The following PRKAG2 variants were observed in gnomAD, a reference collection of about 807,000 sequenced individuals.
The protein encoded by PRKAG2 is protein kinase AMP-activated non-catalytic subunit gamma 2.
In PRKAG2, 26 loss-of-function variants were observed where a neutral mutation model predicts 69.6. The observed-to-expected ratio is 0.37, with a 90% CI of 0.27 to 0.52. The LOEUF (loss-of-function observed/expected upper bound fraction) is 0.52. PRKAG2 is among the 20% of genes least tolerant of loss of function. The pLI, the probability that PRKAG2 is intolerant of heterozygous loss-of-function variation, is 0.90. For missense variants in PRKAG2, 557 were observed against 740.0 expected (o/e 0.75, Z 2.87); for synonymous variants, 293 against 285.0 (o/e 1.03, Z -0.28).
At chr7:151,838,516 T>A (rs534548791) in intron 1 of PRKAG2, among the ~76,000 whole-genome samples, 40 of 151,722 alleles carry the variant, frequency 2.6e-4, no homozygotes, top group African/African-American at 9.2e-4. Flanking sequence ...GAGATCACCC[T>A]GGGCAACATG....
chr7:151,813,679 A>G (rs2078541485), intron 1 of PRKAG2, among the ~76,000 whole-genome samples: 1 of 152,116 alleles, frequency 6.6e-6, no homozygotes, highest in East Asian at 1.9e-4. Context: ...TCTCCACCAG[A>G]CAGCGGTGAC....
intron 5 of PRKAG2, among the ~76,000 whole-genome samples, chr7:151,617,488 C>A (rs1820462356): frequency 6.6e-6 from 1 of 151,980 alleles, no homozygotes; most frequent in African/African-American, 2.4e-5. Flanking sequence ...ATTCTCTCTA[C>A]CATTTCATAT....
chr7:151,833,017 T>C (rs2079072993), intron 1 of PRKAG2, among the ~76,000 whole-genome samples: 2 of 152,166 alleles, frequency 1.3e-5, no homozygotes, highest in African/African-American at 2.4e-5. Flanking sequence ...CTCACTCGTT[T>C]ATGGTGCACC....
At chr7:151,563,430 G>A (rs924982101) in intron 14 of PRKAG2, among the ~76,000 whole-genome samples, 3 of 152,164 alleles carry the variant, frequency 2.0e-5, no homozygotes, top group Non-Finnish European at 2.9e-5. Context: ...AGATACTGGT[G>A]GGAAGAGAGA....
chr7:151,792,956 G>A (rs548688958), intron 1 of PRKAG2, among the ~76,000 whole-genome samples: 2 of 152,334 alleles, frequency 1.3e-5, no homozygotes, highest in South Asian at 2.1e-4. Context: ...GGGCTGAGCC[G>A]GAGCCCCAGC....
In PRKAG2 at chr7:151,877,053, C is replaced by T. The variant is rs2080420529; in HGVS notation, c.-433G>A. 7.8e-6 allele frequency: 2 copies of T among 255,130 alleles called. No individual in the cohort carries two copies. The highest frequency in any genetic ancestry group is 1.6e-5 in the Non-Finnish European group (2 of 128,218). 15.8% of individuals were successfully genotyped at this position (255,130 alleles called of 1,614,324 possible). ...AAAACAAGCCTCCTATGCCTGTGCC[C>T]AAGTGGGGAATCTGGAACCAGTAAG... On this transcript the variant is annotated 5_prime_UTR_variant, in exon 1 of 16. Transcript: ENST00000287878.
intron 1 of PRKAG2, among the ~76,000 whole-genome samples, chr7:151,863,823 A>T (rs1396533217): frequency 7.2e-5 from 11 of 151,738 alleles, no homozygotes; most frequent in African/African-American, 2.7e-4. Context: ...AGGTAAGAGG[A>T]TCGCTTGAGC....
chr7:151,779,983 C>A (rs1349232545), intron 3 of PRKAG2, among the ~76,000 whole-genome samples: 6 of 152,208 alleles, frequency 3.9e-5, no homozygotes, highest in African/African-American at 4.8e-5. Flanking sequence ...AACCCCACAG[C>A]CTTGAGTGAG....
At chr7:151,600,160 C>T (rs1815697439) in intron 5 of PRKAG2, among the ~76,000 whole-genome samples, 1 of 152,186 alleles carries the variant, frequency 6.6e-6, no homozygotes, top group African/African-American at 2.4e-5. Context: ...CCCGCCACAA[C>T]TGCTTTCCCC....
At position 151,632,580 on chromosome 7, in the gene PRKAG2, A is replaced by C; in HGVS notation, c.685-442T>G. 1.0e-6 allele frequency: 1 copy of C among 983,350 alleles called. No homozygotes were observed. The highest frequency in any genetic ancestry group is 1.2e-6 in the Non-Finnish European group (1 of 828,728). 60.9% of individuals were successfully genotyped at this position (983,350 alleles called of 1,614,324 possible). On this transcript the variant is annotated intron_variant, in intron 4 of 15. Transcript: ENST00000287878. This position sits in a 1 kb window ranked among gnomAD's most constrained non-coding sequence, Gnocchi z 4.2. ...CCCCGGCGCCGCTCACCTTCCCAGC[A>C]CCGGCGGCCGCGCTCGGCAGGCTCC... is the stretch of plus-strand genomic sequence containing the variant.
intron 1 of PRKAG2, among the ~76,000 whole-genome samples, chr7:151,815,601 G>A (rs1007861964): frequency 2.6e-5 from 4 of 152,128 alleles, no homozygotes; most frequent in African/African-American, 7.2e-5. Context: ...GCCCAACCCC[G>A]TGCTTCCCCA....
At chr7:151,746,201 G>A (rs543458632) in intron 3 of PRKAG2, among the ~76,000 whole-genome samples, 4 of 152,336 alleles carry the variant, frequency 2.6e-5, no homozygotes, top group East Asian at 1.9e-4. Flanking sequence ...ACTTCTAGGC[G>A]ATGGGGCAGG....
chr7:151,664,129 G>A (rs1030435473), intron 4 of PRKAG2, among the ~76,000 whole-genome samples: 15 of 152,174 alleles, frequency 9.9e-5, no homozygotes, highest in South Asian at 4.1e-4. Context: ...AAGATGCTGC[G>A]TCAACCTTGG....
intron 5 of PRKAG2, among the ~76,000 whole-genome samples, chr7:151,627,829 A>G (rs1241884799): frequency 6.6e-6 from 1 of 152,108 alleles, no homozygotes; most frequent in Non-Finnish European, 1.5e-5. Context: ...TGCCTAGCTA[A>G]TTTTTAAAAT....
chr7:151,862,897 A>G (rs183422562), intron 1 of PRKAG2, among the ~76,000 whole-genome samples: 13 of 151,320 alleles, frequency 8.6e-5, no homozygotes, highest in African/African-American at 3.2e-4. Context: ...TGCAGGGAGC[A>G]CTGGTAGATC....
chr7:151,794,331 G>A (rs543194927), intron 1 of PRKAG2, among the ~76,000 whole-genome samples: 5 of 152,364 alleles, frequency 3.3e-5, no homozygotes, highest in East Asian at 3.9e-4. Context: ...AGGAGACCTC[G>A]ACCCTCCCCG....
intron 4 of PRKAG2, among the ~76,000 whole-genome samples, chr7:151,635,644 C>T (rs899251233): frequency 3.9e-5 from 6 of 151,900 alleles, no homozygotes; most frequent in East Asian, 1.9e-4. Context: ...ATAAAATGGT[C>T]GAAATGGAGA....
At chr7:151,705,180 C>T (rs996176640) in intron 3 of PRKAG2, among the ~76,000 whole-genome samples, 9 of 152,172 alleles carry the variant, frequency 5.9e-5, no homozygotes, top group Non-Finnish European at 1.3e-4. Flanking sequence ...GTGTCTGAAA[C>T]GTACAGGATA....
chr7:151,713,586 ATT>A (rs200647217), intron 3 of PRKAG2, among the ~76,000 whole-genome samples: 8 of 142,064 alleles, frequency 5.6e-5, no homozygotes, highest in Admixed American at 7.0e-5. Context: ...TGCTTTTTTA[ATT>A]TTTTTTTTTT....
Sources: allele counts gnomAD v4.1 joint callset (sites outside exome capture counted in the v4.1 genomes callset), GRCh38; gene constraint gnomAD v4.1.1; non-coding constraint Gnocchi (gnomAD v3.1); transcripts MANE v1.5; gene names NCBI Gene and HGNC (gene_info 2026-07-23, HGNC 2026-07-21).